Variants in PAX7 observed in about 807,000 individuals in gnomAD.
The protein encoded by PAX7 is paired box protein Pax-7.
Under a neutral mutation model 50.7 loss-of-function variants are expected in PAX7, and 18 were observed. The observed-to-expected ratio is 0.36, with a 90% confidence interval of 0.25 to 0.53. The LOEUF is 0.53. PAX7 is among the 20% of genes least tolerant of loss of function. The pLI, the probability that PAX7 is intolerant of heterozygous loss-of-function variation, is 0.93. For synonymous variants in PAX7, 310 were observed against 290.4 expected, an observed-to-expected ratio of 1.07 and a Z score of -0.69; for missense variants, 644 against 702.9, an observed-to-expected ratio of 0.92 and a Z score of 0.95.
chr1:18,674,193 G>A (rs1162813723), intron 4 of PAX7, among the ~76,000 whole-genome samples: 1 of 152,232 alleles, frequency 6.6e-6, no homozygotes, highest in East Asian at 1.9e-4. Flanking sequence ...TGAGGATAAA[G>A]CAATGAATAA....
intron 7 of PAX7, among the ~76,000 whole-genome samples, chr1:18,717,485 A>C (rs1328327447): frequency 6.6e-6 from 1 of 152,022 alleles, no homozygotes; most frequent in Non-Finnish European, 1.5e-5. Flanking sequence ...CTCCTCGCTT[A>C]GCCAGCTCTG....
intron 4 of PAX7, among the ~76,000 whole-genome samples, chr1:18,681,568 G>C (rs1404283099): frequency 6.6e-6 from 1 of 152,098 alleles, no homozygotes; most frequent in Non-Finnish European, 1.5e-5. Flanking sequence ...TGTATACACA[G>C]TGCCCTCTAG....
chr1:18,728,950 G>C (rs1196254434), intron 7 of PAX7, among the ~76,000 whole-genome samples: 2 of 152,084 alleles, frequency 1.3e-5, no homozygotes, highest in Non-Finnish European at 2.9e-5. Context: ...TGATGGAGCA[G>C]ACAGACCCAG....
At chr1:18,739,609 T>A (rs1026350835) in intron 8 of PAX7, among the ~76,000 whole-genome samples, 11 of 152,202 alleles carry the variant, frequency 7.2e-5, no homozygotes, top group African/African-American at 2.7e-4. Context: ...CATACTGATG[T>A]GTACACAGCC....
At chr1:18,707,784 G>A (rs1217327306) in intron 7 of PAX7, among the ~76,000 whole-genome samples, 2 of 152,068 alleles carry the variant, frequency 1.3e-5, no homozygotes, top group African/African-American at 4.8e-5. Context: ...GCCCTCACTT[G>A]CACTCTTTTT....
At chr1:18,633,206 T>A (rs991471853) in intron 1 of PAX7, among the ~76,000 whole-genome samples, 10 of 152,104 alleles carry the variant, frequency 6.6e-5, no homozygotes, top group Non-Finnish European at 2.9e-5. Flanking sequence ...CAGCGGAGCC[T>A]CTTCTCGCCT....
rs1931386467 is a variant in PAX7 at position 18,745,305 on chromosome 1, C to A, written c.*376C>A. 3.5e-6 allele frequency: 1 copy of A among 284,254 alleles called. No homozygotes were observed. Among genetic ancestry groups the A allele is most frequent in the Non-Finnish European group, 6.7e-6 (1 of 149,092 alleles). 17.6% of individuals were successfully genotyped at this position (284,254 alleles called of 1,614,324 possible). On this transcript the variant is annotated 3_prime_UTR_variant, in exon 9 of 9. Transcript: ENST00000420770. ...GAGGAGGTCCTACAGCCCTTTGGAC[C>A]CAACTCCAGTGGGGGCCCTAGCTAG...
At chr1:18,642,270 A>G (rs2100437248) in intron 4 of PAX7, among the ~76,000 whole-genome samples, 1 of 152,244 alleles carries the variant, frequency 6.6e-6, no homozygotes, top group South Asian at 2.1e-4. Context: ...ATGAGGCTTC[A>G]TTCTGTACTG....
rs1557534998 is a variant in PAX7, at chr1:18,694,504, AT to A, written c.786+2552del. 2.7e-5 allele frequency among the ~76,000 whole-genome samples: 4 copies of A among 148,216 alleles called. 1 individual carries two copies. Among genetic ancestry groups the A allele is most frequent in the Non-Finnish European group, 4.5e-5 (3 of 67,166 alleles). Reference sequence around the variant, plus strand: ...AATAAATAAATAAATAAATAAATAAATAAATATAAAATAAAATAAATCAAGA... The same window carrying A: ...AATAAATAAATAAATAAATAAATAAAAAATATAAAATAAAATAAATCAAGA... On this transcript the variant is annotated intron_variant, in intron 5 of 8. Coordinates refer to ENST00000420770, the MANE Select transcript of PAX7 (RefSeq NM_001135254.2).
intron 7 of PAX7, among the ~76,000 whole-genome samples, chr1:18,707,029 C>T (rs1003308736): frequency 1.2e-4 from 18 of 152,340 alleles, no homozygotes; most frequent in African/African-American, 4.3e-4. Flanking sequence ...AAGCCATTTA[C>T]TCATCTCATC....
chr1:18,688,052 G>T (rs1199342979), intron 4 of PAX7, among the ~76,000 whole-genome samples: 2 of 152,134 alleles, frequency 1.3e-5, no homozygotes, highest in Non-Finnish European at 2.9e-5. Context: ...ATCTCTCAGT[G>T]GCATAAAGCA....
At chr1:18,698,908 C>G (rs1315317357) in intron 5 of PAX7, among the ~76,000 whole-genome samples, 3 of 152,204 alleles carry the variant, frequency 2.0e-5, no homozygotes, top group Non-Finnish European at 4.4e-5. Flanking sequence ...CATAAGCGCC[C>G]TCCACCTGGC....
intron 8 of PAX7, among the ~76,000 whole-genome samples, chr1:18,743,744 C>T (rs1931279081): frequency 6.6e-6 from 1 of 152,218 alleles, no homozygotes; most frequent in Non-Finnish European, 1.5e-5. Context: ...CTTGTACATG[C>T]AGGTCAAGGG....
At chr1:18,723,276 T>C (rs2089517476) in intron 7 of PAX7, among the ~76,000 whole-genome samples, 1 of 152,204 alleles carries the variant, frequency 6.6e-6, no homozygotes, top group East Asian at 1.9e-4. Context: ...ATATAGAGTT[T>C]AATGTATTCT....
At chr1:18,669,969 G>A (rs1254973191) in intron 4 of PAX7, among the ~76,000 whole-genome samples, 2 of 151,392 alleles carry the variant, frequency 1.3e-5, no homozygotes, top group Admixed American at 1.3e-4. Flanking sequence ...CTGTAGGCCA[G>A]CTACTCGGGA....
rs187357389 is a variant in PAX7 at position 18,739,398 on chromosome 1, A to C, written c.1402+3520A>C. On this transcript the variant is annotated intron_variant, in intron 8 of 8. Coordinates refer to ENST00000420770, the MANE Select transcript of PAX7 (RefSeq NM_001135254.2). ...GGGGTTTATATGTGAGTGTTCACTA[A>C]TGTGTGTACACAGCTTTAAGATATA... 2.0e-5 allele frequency among the ~76,000 whole-genome samples: 3 copies of C among 152,328 alleles called. No homozygotes were observed. The South Asian group carries it at 6.2e-4, about 32-fold the overall frequency.
intron 4 of PAX7, 144 bp from the exon 5 acceptor site, chr1:18,691,610 A>C (rs1160441664): frequency 1.5e-6 from 1 of 671,382 alleles, no homozygotes; most frequent in African/African-American, 1.8e-5. Context: ...GCATCCTTCT[A>C]TCTTGTGCTT....
At chr1:18,731,624 C>T (rs1396377151) in intron 7 of PAX7, among the ~76,000 whole-genome samples, 1 of 152,106 alleles carries the variant, frequency 6.6e-6, no homozygotes, top group African/African-American at 2.4e-5. Flanking sequence ...CCAGTTGGGT[C>T]CTGTCCCATT....
intron 7 of PAX7, among the ~76,000 whole-genome samples, chr1:18,713,898 T>C (rs918049007): frequency 6.6e-6 from 1 of 152,166 alleles, no homozygotes; most frequent in Non-Finnish European, 1.5e-5. Flanking sequence ...GGAATGAACA[T>C]ACAGACCAGG....
Sources: gnomAD v4.1 joint callset for allele counts (sites outside exome capture counted in the v4.1 genomes callset) on GRCh38, gnomAD v4.1.1 for gene constraint, MANE v1.5 for transcripts, NCBI Gene and HGNC (gene_info 2026-07-23, HGNC 2026-07-21) for gene names.